PAPPA2: variants seen among roughly 807,000 people sequenced by gnomAD.
PAPPA2 encodes pappalysin 2, also known as pappalysin-2.
In PAPPA2, 86 loss-of-function variants were observed where a neutral mutation model predicts 176.4. The observed-to-expected ratio is 0.49, with a 90% CI of 0.41 to 0.58. The LOEUF (loss-of-function observed/expected upper bound fraction) is 0.58, where lower values mean the gene tolerates loss of function less well. Among genes scored for constraint, PAPPA2 ranks in the 20% least tolerant of loss-of-function variants. The probability of loss-of-function intolerance (pLI) is 0.00; values close to 1 mark genes in which losing one functional copy is unlikely to be tolerated. For missense variants in PAPPA2, 2,073 were observed against 2,256.9 expected, an observed-to-expected ratio of 0.92 and a Z score of 1.65; for synonymous variants, 809 against 852.2, an observed-to-expected ratio of 0.95 and a Z score of 0.88.
intron 14 of PAPPA2, among the ~76,000 whole-genome samples, chr1:176,743,447 G>A (rs1035356764): frequency 6.6e-6 from 1 of 151,910 alleles, no homozygotes; most frequent in Non-Finnish European, 1.5e-5. Flanking sequence ...CCTGATTTTG[G>A]CCACCAGTGC....
intron 3 of PAPPA2, among the ~76,000 whole-genome samples, chr1:176,635,739 T>A (rs1036690586): frequency 2.6e-5 from 4 of 152,200 alleles, no homozygotes; most frequent in Non-Finnish European, 5.9e-5. Context: ...ATTTACAAGC[T>A]GACCTTTCCA....
At chr1:176,487,632 A>G (rs1026149163) in intron 1 of PAPPA2, among the ~76,000 whole-genome samples, 3 of 152,182 alleles carry the variant, frequency 2.0e-5, no homozygotes, top group African/African-American at 2.4e-5. Context: ...GTTCACCAAG[A>G]ATTCATTGTC....
chr1:176,524,911 G>T (rs931540813), intron 1 of PAPPA2, among the ~76,000 whole-genome samples: 1 of 152,122 alleles, frequency 6.6e-6, no homozygotes, highest in Non-Finnish European at 1.5e-5. Flanking sequence ...GCGTGATGGC[G>T]GGCGCCTGTA....
chr1:176,563,637 A>ACT (rs1651793710), intron 2 of PAPPA2, among the ~76,000 whole-genome samples: 1 of 152,120 alleles, frequency 6.6e-6, no homozygotes, highest in South Asian at 2.1e-4. Context: ...AAGTTTGCTA[A>ACT]CTCATACTTT....
At chr1:176,753,337 A>C (rs1571274544) in intron 14 of PAPPA2, among the ~76,000 whole-genome samples, 1 of 152,088 alleles carries the variant, frequency 6.6e-6, no homozygotes, top group African/African-American at 2.4e-5. Flanking sequence ...ATGCTGCTTC[A>C]TGCTTTATTT....
intron 1 of PAPPA2, among the ~76,000 whole-genome samples, chr1:176,524,868 A>T (rs1649402336): frequency 6.6e-6 from 1 of 151,952 alleles, no homozygotes; most frequent in African/African-American, 2.4e-5. Context: ...CTAAAAAAAT[A>T]CAAAAAAAAC....
At chr1:176,712,053 GTGTGTA>G in intron 12 of PAPPA2, 72 bp downstream of exon 12, 1 of 1,496,536 alleles carries the variant, frequency 6.7e-7, no homozygotes, top group Non-Finnish European at 9.1e-7. Flanking sequence ...GTGTGTGTGT[GTGTGTA>G]AATGGTGCAT....
Position 176,800,146 on chromosome 1 carries a change from C to G in PAPPA2, c.5202+14C>G. On this transcript the variant is annotated intron_variant, in intron 21 of 22. Coordinates refer to ENST00000367662, the MANE Select transcript of PAPPA2 (RefSeq NM_020318.3). ...CAGTCATGTGAGGTAAGATAGCCTC[C>G]CCTTCCCCAACTCAGACTAGAGAAC... is the stretch of plus-strand genomic sequence containing the variant. 1 of 1,613,504 alleles carries G rather than the reference C, an allele frequency of 6.2e-7. No homozygotes were observed. Among genetic ancestry groups the G allele is most frequent in the Non-Finnish European group, 8.5e-7 (1 of 1,179,576 alleles).
Position 176,616,243 on chromosome 1 carries a change from T to C in PAPPA2, c.1991+20648T>C, listed in dbSNP as rs1213145159. On this transcript the variant is annotated intron_variant, in intron 3 of 22. Coordinates refer to ENST00000367662, the MANE Select transcript of PAPPA2 (RefSeq NM_020318.3). ...ATTAGGTCCTATCTCAAGTTCCACT[T>C]CCAATAGCATTAGGCACCCCAGTTT... 3 of 450,228 alleles carry C rather than the reference T, an allele frequency of 6.7e-6. No homozygotes were observed. The Admixed American group carries it at 8.1e-5, about 12-fold the overall frequency. The allele number at this position is 450,228 out of a possible 1,614,324, so 27.9% of individuals were successfully genotyped here.
chr1:176,612,709 A>G (rs749787021), intron 3 of PAPPA2, among the ~76,000 whole-genome samples: 4 of 152,226 alleles, frequency 2.6e-5, no homozygotes, highest in Non-Finnish European at 5.9e-5. Context: ...GTTCTGAACA[A>G]TATCTTTATG....
chr1:176,671,195 A>G, intron 4 of PAPPA2, 80 bp downstream of exon 4: 1 of 1,565,498 alleles, frequency 6.4e-7, no homozygotes, highest in Non-Finnish European at 8.7e-7. Flanking sequence ...GTTTGGGGAA[A>G]AAAGAAAGAC....
intron 21 of PAPPA2, among the ~76,000 whole-genome samples, chr1:176,807,558 C>A (rs759153451): frequency 6.7e-6 from 1 of 148,590 alleles, no homozygotes; most frequent in Non-Finnish European, 1.5e-5. Flanking sequence ...TGCAGTGGTG[C>A]GGTCTTGGCT....
At chr1:176,794,375 T>C (rs1449696800) in intron 20 of PAPPA2, among the ~76,000 whole-genome samples, 1 of 152,192 alleles carries the variant, frequency 6.6e-6, no homozygotes, top group East Asian at 1.9e-4. Context: ...ACATGTGAAA[T>C]GTCTTGCACA....
intron 14 of PAPPA2, among the ~76,000 whole-genome samples, chr1:176,755,758 C>T (rs1313919023): frequency 6.6e-6 from 1 of 152,056 alleles, no homozygotes; most frequent in African/African-American, 2.4e-5. Flanking sequence ...TCTGTACAGT[C>T]AAAAATTTGC....
chr1:176,687,219 G>A (rs922202677), intron 4 of PAPPA2, among the ~76,000 whole-genome samples: 4 of 152,130 alleles, frequency 2.6e-5, no homozygotes, highest in African/African-American at 9.7e-5. Flanking sequence ...TTAAAATTAT[G>A]TTTTTAGTGA....
chr1:176,831,736 A>G (rs1025736898), intron 21 of PAPPA2, among the ~76,000 whole-genome samples: 1 of 152,188 alleles, frequency 6.6e-6, no homozygotes, highest in African/African-American at 2.4e-5. Context: ...TAAGTCCCAG[A>G]GAGTCTCCTC....
rs371048697 is a variant in PAPPA2 at position 176,766,924 on chromosome 1, C to A, written c.4323+1087C>A. On this transcript the variant is annotated intron_variant, in intron 15 of 22. Transcript: ENST00000367662. ...CAAGAGTTGATTTTTTTTTTTTGTG[C>A]CAATTGATTGCTTAACAGGTTGGGA... 8.1e-5 allele frequency among the ~76,000 whole-genome samples: 12 copies of A among 148,976 alleles called. No homozygotes were observed. The East Asian group carries it at 2.1e-3, about 27-fold the overall frequency.
intron 4 of PAPPA2, among the ~76,000 whole-genome samples, chr1:176,681,194 A>G (rs1659570565): frequency 6.6e-6 from 1 of 152,174 alleles, no homozygotes; most frequent in Admixed American, 6.5e-5. Context: ...GCACACGGGC[A>G]TTTTGGCCAA....
chr1:176,575,357 A>G (rs1273396163), intron 2 of PAPPA2, among the ~76,000 whole-genome samples: 1 of 152,212 alleles, frequency 6.6e-6, no homozygotes, highest in African/African-American at 2.4e-5. Context: ...ATTTTTTAAT[A>G]TAATCATTAT....
Sources: allele counts gnomAD v4.1 joint callset (sites outside exome capture counted in the v4.1 genomes callset), GRCh38; gene constraint gnomAD v4.1.1; transcripts MANE v1.5; gene names NCBI Gene and HGNC (gene_info 2026-07-23, HGNC 2026-07-21).